Variants in CCZ1B observed in about 807,000 individuals in gnomAD.
The protein encoded by CCZ1B is vacuolar fusion protein CCZ1 homolog B.
Under a neutral mutation model 58.8 loss-of-function variants are expected in CCZ1B, and 25 were observed. The ratio of observed to expected loss-of-function variants is 0.43; its 90% confidence interval spans 0.31 to 0.59. The LOEUF (loss-of-function observed/expected upper bound fraction) is 0.59, where lower values mean the gene tolerates loss of function less well. CCZ1B is among the 20% of genes least tolerant of loss of function. The probability of loss-of-function intolerance (pLI) is 0.12; values close to 1 mark genes in which losing one functional copy is unlikely to be tolerated. For synonymous variants in CCZ1B, 66 were observed against 173.2 expected, an observed-to-expected ratio of 0.38 and a Z score of 4.86; for missense variants, 180 against 501.5, an observed-to-expected ratio of 0.36 and a Z score of 6.12.
chr7:6,811,559 C>T (rs1484925369), intron 10 of CCZ1B: 28 of 260,904 alleles, frequency 1.1e-4, no homozygotes, highest in Non-Finnish European at 1.5e-4. Context: ...AAACAAAATA[C>T]GATCCTTATG....
At position 6,822,061 on chromosome 7, in the gene CCZ1B, G is replaced by A. The variant is rs549057110; in HGVS notation, c.522+220C>T. On this transcript the variant is annotated intron_variant, in intron 6 of 14. Transcript: ENST00000316731. ...GACCCTTTAAGAGCCCCGGGCAAAC[G>A]CAGGAAGCTCTGCCTTACACCACAG... 2.4e-3 allele frequency among the ~76,000 whole-genome samples: 355 copies of A among 149,598 alleles called. 33 individuals carry two copies. The highest frequency in any genetic ancestry group is 8.5e-3 in the African/African-American group (336 of 39,696).
chr7:6,816,412 C>T (rs1007748064), intron 7 of CCZ1B, among the ~76,000 whole-genome samples: 3 of 148,262 alleles, frequency 2.0e-5, no homozygotes, highest in Admixed American at 6.7e-5. Context: ...ACCTGGGAGG[C>T]GCAGGCTGAA....
chr7:6,816,292 C>T (rs1182230364), intron 7 of CCZ1B, among the ~76,000 whole-genome samples: 1 of 149,272 alleles, frequency 6.7e-6, no homozygotes, highest in African/African-American at 2.5e-5. Flanking sequence ...CCAGCCTGGC[C>T]AACATGGCAA....
At chr7:6,821,143 G>A (rs1194334097) in intron 6 of CCZ1B, among the ~76,000 whole-genome samples, 3 of 149,394 alleles carry the variant, frequency 2.0e-5, no homozygotes, top group South Asian at 4.3e-4. Flanking sequence ...AGAATAGCTG[G>A]GATTACAGGC....
intron 8 of CCZ1B, among the ~76,000 whole-genome samples, chr7:6,813,434 C>G (rs1416426333): frequency 3.4e-5 from 5 of 149,158 alleles, no homozygotes; most frequent in Non-Finnish European, 7.4e-5. Flanking sequence ...AAAAATTAAC[C>G]AGGTGTGGTG....
At position 6,823,515 on chromosome 7, in the gene CCZ1B, C is replaced by CTT. The variant is rs897480782; in HGVS notation, c.391-157_391-156dup. 5.0e-3 allele frequency among the ~76,000 whole-genome samples: 523 copies of CTT among 104,822 alleles called. 14 individuals are homozygous for CTT. The highest frequency in any genetic ancestry group is 0.019 in the South Asian group (61 of 3,262). 68.8% of individuals were successfully genotyped at this position (104,822 alleles called of 152,430 possible). ...CGTGCTGAAAAAAAGTGTTTGCGTT[C>CTT]TTTTTTTTTTTTTTTTTTTTTGAGA... On this transcript the variant is annotated intron_variant, in intron 4 of 14. Transcript: ENST00000316731.
At chr7:6,813,752 A>C (rs1188826871) in intron 8 of CCZ1B, among the ~76,000 whole-genome samples, 1 of 149,500 alleles carries the variant, frequency 6.7e-6, no homozygotes, top group Non-Finnish European at 1.5e-5. Context: ...TAAAACATCT[A>C]CTGAAAATTA....
chr7:6,812,743 T>C (rs1782938254), intron 9 of CCZ1B, among the ~76,000 whole-genome samples: 1 of 151,312 alleles, frequency 6.6e-6, no homozygotes, highest in African/African-American at 2.4e-5. Context: ...GCCAACATGA[T>C]GAAACCCTGT....
chr7:6,817,474 C>G (rs563098896), intron 7 of CCZ1B, among the ~76,000 whole-genome samples: 2 of 150,176 alleles, frequency 1.3e-5, no homozygotes, highest in Admixed American at 6.6e-5. Context: ...CTGCTGGATT[C>G]TGGCTTGTCA....
chr7:6,821,558 T>C (rs1172698757), intron 6 of CCZ1B, among the ~76,000 whole-genome samples: 4 of 152,206 alleles, frequency 2.6e-5, no homozygotes, highest in African/African-American at 9.7e-5. Context: ...ATACAGAAGG[T>C]ATTTTCAGAA....
rs1238713220 is a variant in CCZ1B at position 6,822,934 on chromosome 7, G to T, written c.438+379C>A. Among the ~76,000 whole-genome samples, 30 of 145,392 alleles carry T rather than the reference G, an allele frequency of 2.1e-4. 1 individual carries two copies. The highest frequency in any genetic ancestry group is 3.7e-4 in the Non-Finnish European group (25 of 66,740). ...TTGCCCAGACTGGTCCTGAATTCCTGGGCTCAAGCAATCCTCCCACCTTAG... is the reference window on the plus strand; with the variant it reads ...TTGCCCAGACTGGTCCTGAATTCCTTGGCTCAAGCAATCCTCCCACCTTAG... On this transcript the variant is annotated intron_variant, in intron 5 of 14. Transcript: ENST00000316731.
rs150516080 is a variant in CCZ1B, at chr7:6,824,840, T to C, written c.121-103A>G. 2.3e-3 allele frequency: 3,293 copies of C among 1,416,236 alleles called. 239 individuals carry two copies. The African/African-American group carries it at 0.048, about 21-fold the overall frequency. The allele number at this position is 1,416,236 out of a possible 1,614,324, so 87.7% of individuals were successfully genotyped here. A position where few individuals can be genotyped will look rare whatever the true frequency, so the allele number is the denominator to read the frequency against. On this transcript the variant is annotated intron_variant, in intron 1 of 14. Transcript: ENST00000316731. Reference sequence around the variant, plus strand: ...CGACCTCTTGTGTCACACATGCTAATGACAAAATAAAACAAAAACCGGTTT... The same window carrying C: ...CGACCTCTTGTGTCACACATGCTAACGACAAAATAAAACAAAAACCGGTTT...
chr7:6,818,870 A>G (rs1158870906), intron 7 of CCZ1B, among the ~76,000 whole-genome samples: 1 of 148,752 alleles, frequency 6.7e-6, no homozygotes, highest in South Asian at 2.1e-4. Context: ...GGGGTCATAT[A>G]TGCTGGGCAG....
intron 12 of CCZ1B, among the ~76,000 whole-genome samples, chr7:6,804,484 G>C (rs1407958140): frequency 8.6e-6 from 1 of 116,902 alleles, no homozygotes; most frequent in Non-Finnish European, 1.7e-5. Context: ...AGCCGGAGGA[G>C]TGAATCCCGC....
At chr7:6,812,670 C>A (rs1368047428) in intron 9 of CCZ1B, among the ~76,000 whole-genome samples, 1 of 152,098 alleles carries the variant, frequency 6.6e-6, no homozygotes, top group African/African-American at 2.4e-5. Flanking sequence ...CACCTGTAAT[C>A]CCAGCACTTT....
At chr7:6,814,078 G>A (rs1163548993) in intron 8 of CCZ1B, among the ~76,000 whole-genome samples, 4 of 148,658 alleles carry the variant, frequency 2.7e-5, no homozygotes, top group Admixed American at 6.7e-5. Context: ...TCCAGGAAGC[G>A]GAAGTTGCAG....
chr7:6,815,008 C>T (rs1782977939), intron 7 of CCZ1B, among the ~76,000 whole-genome samples, 163 bp from the exon 8 acceptor site: 1 of 147,074 alleles, frequency 6.8e-6, no homozygotes. Flanking sequence ...AAACTCAAAG[C>T]AATCTATTTT....
rs1385926472 is a variant in CCZ1B at position 6,819,392 on chromosome 7, C to T, written c.698+374G>A. Among the ~76,000 whole-genome samples, 8 of 148,110 alleles carry T rather than the reference C, an allele frequency of 5.4e-5. 1 individual carries two copies. Among genetic ancestry groups the T allele is most frequent in the Admixed American group, 4.0e-4 (6 of 14,874 alleles). On this transcript the variant is annotated intron_variant, in intron 7 of 14. Transcript: ENST00000316731. Reference sequence around the variant, plus strand: ...CTGGGATTACAGGCATGCACCACCACGCCCAGCTAATTTTTGTATTTTTAG... The same window carrying T: ...CTGGGATTACAGGCATGCACCACCATGCCCAGCTAATTTTTGTATTTTTAG...
At chr7:6,815,409 C>T (rs1782984931) in intron 7 of CCZ1B, among the ~76,000 whole-genome samples, 1 of 149,498 alleles carries the variant, frequency 6.7e-6, no homozygotes, top group Non-Finnish European at 1.5e-5. Flanking sequence ...GCAGTGCTCC[C>T]GCCTCAGCCT....
Sources: allele counts gnomAD v4.1 joint callset (sites outside exome capture counted in the v4.1 genomes callset), GRCh38; gene constraint gnomAD v4.1.1; transcripts MANE v1.5; gene names NCBI Gene and HGNC (gene_info 2026-07-23, HGNC 2026-07-21).